Variants in ZNF407 observed in about 807,000 individuals in gnomAD.
The protein encoded by ZNF407 is zinc finger protein 407.
Under a neutral mutation model 131.2 loss-of-function variants are expected in ZNF407, and 17 were observed. The observed-to-expected ratio is 0.13, with a 90% CI of 0.09 to 0.19. The LOEUF (loss-of-function observed/expected upper bound fraction) is 0.19. Ranked by LOEUF, ZNF407 falls within the 10% of genes least tolerant of loss-of-function variation. The pLI, the probability that ZNF407 is intolerant of heterozygous loss-of-function variation, is 1.00. For missense variants in ZNF407, 2,681 were observed against 2,830.6 expected (o/e 0.95, Z 1.20); for synonymous variants, 1,156 against 1,062.0 (o/e 1.09, Z -1.72).
intron 1 of ZNF407, among the ~76,000 whole-genome samples, chr18:74,614,461 T>C (rs917579539): frequency 1.3e-5 from 2 of 152,214 alleles, no homozygotes; most frequent in Non-Finnish European, 2.9e-5. Context: ...ATGCATGCTT[T>C]TTCCTGATTC....
chr18:75,035,220 T>C (rs1264172838), intron 8 of ZNF407, among the ~76,000 whole-genome samples: 1 of 152,254 alleles, frequency 6.6e-6, no homozygotes, highest in Non-Finnish European at 1.5e-5. Flanking sequence ...AGAAACACAG[T>C]GCTGGCCATT....
chr18:74,991,017 A>G (rs190418206), intron 8 of ZNF407, among the ~76,000 whole-genome samples: 4 of 152,298 alleles, frequency 2.6e-5, no homozygotes, highest in Admixed American at 2.0e-4. Flanking sequence ...GTTCAGAGGA[A>G]AAAACTGGCA....
chr18:74,900,375 G>T (rs915125733), intron 7 of ZNF407, among the ~76,000 whole-genome samples: 3 of 152,092 alleles, frequency 2.0e-5, no homozygotes, highest in Non-Finnish European at 2.9e-5. Context: ...CACTGTGGTC[G>T]GAGTTTTGAG....
chr18:74,836,769 C>T (rs568540257), intron 4 of ZNF407, among the ~76,000 whole-genome samples: 6 of 152,304 alleles, frequency 3.9e-5, no homozygotes, highest in Admixed American at 2.0e-4. Flanking sequence ...CCTAACAACA[C>T]GACTGTGAGT....
intron 3 of ZNF407, among the ~76,000 whole-genome samples, chr18:74,767,951 T>C (rs544048619): frequency 1.3e-5 from 2 of 151,818 alleles, no homozygotes; most frequent in East Asian, 1.9e-4. Context: ...AGGCGTGAGC[T>C]ACTGCGCCCT....
At chr18:74,897,437 G>A (rs1368802279) in intron 7 of ZNF407, among the ~76,000 whole-genome samples, 3 of 152,146 alleles carry the variant, frequency 2.0e-5, no homozygotes, top group Non-Finnish European at 4.4e-5. Context: ...ATCTCTTTAA[G>A]TAGAATCCAG....
At chr18:74,769,559 T>G (rs1969317767) in intron 3 of ZNF407, among the ~76,000 whole-genome samples, 2 of 152,212 alleles carry the variant, frequency 1.3e-5, no homozygotes, top group Non-Finnish European at 1.5e-5. Context: ...CAATTCCCAT[T>G]TTATAGTTTA....
At position 74,712,778 on chromosome 18, in the gene ZNF407, T is replaced by G. The variant is rs142925381; in HGVS notation, c.4803-68650T>G. Among the ~76,000 whole-genome samples the G allele has an allele frequency of 2.6e-3, 400 of 152,302 alleles. 1 individual carries two copies. The highest frequency in any genetic ancestry group is 8.5e-3 in the African/African-American group (352 of 41,570). ...ATGAATTTGTAGAAGCATTGAGGTTTTGCTGTCAGTTGGCTATCCAGGAAG... is the reference window on the plus strand; with the variant it reads ...ATGAATTTGTAGAAGCATTGAGGTTGTGCTGTCAGTTGGCTATCCAGGAAG... On this transcript the variant is annotated intron_variant, in intron 3 of 8. Coordinates refer to ENST00000299687, the MANE Select transcript of ZNF407 (RefSeq NM_017757.3).
At chr18:75,034,549 G>A (rs200975254) in intron 8 of ZNF407, among the ~76,000 whole-genome samples, 5 of 151,068 alleles carry the variant, frequency 3.3e-5, no homozygotes, top group Admixed American at 1.3e-4. Flanking sequence ...TGATCCGCCC[G>A]TCTCGGCCTC....
intron 3 of ZNF407, among the ~76,000 whole-genome samples, chr18:74,766,947 T>C (rs538585523): frequency 9.8e-5 from 15 of 152,336 alleles, no homozygotes; most frequent in African/African-American, 3.4e-4. Flanking sequence ...AGTCTCACTC[T>C]GTCACTCAGG....
At chr18:74,920,923 T>G in intron 8 of ZNF407, 1 of 1,213,312 alleles carries the variant, frequency 8.2e-7, no homozygotes, top group Non-Finnish European at 1.0e-6. Flanking sequence ...AGTAATTATT[T>G]GATGACTGTA....
At chr18:74,690,870 G>A (rs1349546845) in intron 3 of ZNF407, among the ~76,000 whole-genome samples, 1 of 152,158 alleles carries the variant, frequency 6.6e-6, no homozygotes, top group Non-Finnish European at 1.5e-5. Flanking sequence ...CCTTGAGAAG[G>A]AATCTCATAA....
At chr18:75,051,953 T>C (rs969879182) in intron 8 of ZNF407, among the ~76,000 whole-genome samples, 1 of 152,162 alleles carries the variant, frequency 6.6e-6, no homozygotes, top group African/African-American at 2.4e-5. Flanking sequence ...TGAACATAGT[T>C]TAGAAAGGCC....
At chr18:74,939,188 A>G (rs1972071016) in intron 8 of ZNF407, among the ~76,000 whole-genome samples, 1 of 152,222 alleles carries the variant, frequency 6.6e-6, no homozygotes, top group Admixed American at 6.5e-5. Context: ...TACCTACAAT[A>G]TCCTCTAGAC....
At position 74,632,643 on chromosome 18, in the gene ZNF407, G is replaced by A; in HGVS notation, c.1624G>A (p.Asp542Asn). 4.3e-6 allele frequency: 7 copies of A among 1,614,042 alleles called. No individual in the cohort carries two copies. The highest frequency in any genetic ancestry group is 1.7e-5 in the Admixed American group (1 of 60,026). The change falls in exon 2 of 9, where the codon GAT (aspartate) becomes AAT (asparagine). Residue 542 changes from aspartate to asparagine, a missense_variant. Asp to Asn is a conservative substitution (Grantham distance 23). This residue lies in a region of ZNF407 where 1,789 missense variants were observed against 1,748.7 expected (regional missense o/e 1.02). Transcript: ENST00000299687. ...DCGQVATNRT[D>N]LEIHVKRCHA... ...TGGGCAAGTAGCTACAAATAGGACA[G>A]ATTTGGAAATCCATGTGAAAAGGTG...
At chr18:74,779,110 T>TATATATATATA (rs1555687155) in intron 3 of ZNF407, among the ~76,000 whole-genome samples, 4 of 12,488 alleles carry the variant, frequency 3.2e-4, no homozygotes, top group African/African-American at 7.8e-4. Flanking sequence ...TATATATATA[T>TATATATATATA]TTTTTTTTTT....
At chr18:74,947,184 G>A (rs1356779624) in intron 8 of ZNF407, among the ~76,000 whole-genome samples, 1 of 152,046 alleles carries the variant, frequency 6.6e-6, no homozygotes. Flanking sequence ...CTTAGAAAAA[G>A]GACAAAAGCA....
intron 3 of ZNF407, among the ~76,000 whole-genome samples, chr18:74,765,645 A>T (rs1194807233): frequency 2.6e-5 from 4 of 152,054 alleles, no homozygotes; most frequent in African/African-American, 9.7e-5. Context: ...TTCTTCATAT[A>T]TATGTGTCTT....
chr18:74,675,640 T>C (rs1986324599), intron 3 of ZNF407, among the ~76,000 whole-genome samples: 1 of 152,244 alleles, frequency 6.6e-6, no homozygotes, highest in South Asian at 2.1e-4. Flanking sequence ...TTTTATTGCA[T>C]AGCTTTTCTG....
Sources: allele counts gnomAD v4.1 joint callset (sites outside exome capture counted in the v4.1 genomes callset), GRCh38; gene constraint gnomAD v4.1.1; regional missense constraint gnomAD v4.1.1; transcripts MANE v1.5; gene names NCBI Gene and HGNC (gene_info 2026-07-23, HGNC 2026-07-21).